RANBP17: variants seen among roughly 807,000 people sequenced by gnomAD.
RANBP17 encodes the protein RAN binding protein 17.
In RANBP17, 158 loss-of-function variants were observed where a neutral mutation model predicts 141.2. The observed-to-expected ratio is 1.12, with a 90% CI of 0.98 to 1.28. The LOEUF is 1.28. Among genes scored for constraint, RANBP17 ranks in the 50% most tolerant of loss-of-function variants. The pLI is 0.00. For synonymous variants in RANBP17, 430 were observed against 450.0 expected (o/e 0.96, Z 0.56); for missense variants, 1,438 against 1,290.7 (o/e 1.11, Z -1.75).
chr5:171,036,151 C>G (rs1781869697), intron 14 of RANBP17, among the ~76,000 whole-genome samples: 1 of 152,210 alleles, frequency 6.6e-6, no homozygotes, highest in Non-Finnish European at 1.5e-5. Flanking sequence ...GTCCAGCCAC[C>G]TTGGCCTCCC....
At chr5:170,943,220 G>T (rs1259858957) in intron 12 of RANBP17, among the ~76,000 whole-genome samples, 1 of 152,130 alleles carries the variant, frequency 6.6e-6, no homozygotes, top group East Asian at 1.9e-4. Context: ...GAACACTTCA[G>T]TTAGTGTTGA....
chr5:171,107,422 A>C (rs1188383093), intron 14 of RANBP17, among the ~76,000 whole-genome samples: 1 of 152,174 alleles, frequency 6.6e-6, no homozygotes, highest in East Asian at 1.9e-4. Context: ...TGCAAGCAAC[A>C]AAGTTTGTTA....
At chr5:170,957,237 T>G (rs1775793257) in intron 13 of RANBP17, among the ~76,000 whole-genome samples, 1 of 152,042 alleles carries the variant, frequency 6.6e-6, no homozygotes, top group Admixed American at 6.5e-5. Context: ...GAACTAAGAT[T>G]TGTGTTTTGG....
At chr5:170,998,317 A>G (rs532601273) in intron 14 of RANBP17, among the ~76,000 whole-genome samples, 6 of 152,266 alleles carry the variant, frequency 3.9e-5, no homozygotes, top group Admixed American at 2.0e-4. Flanking sequence ...GCCATTTCAA[A>G]TCATTAGGAA....
chr5:171,260,462 CAA>C (rs531075409), intron 24 of RANBP17, among the ~76,000 whole-genome samples: 5 of 51,408 alleles, frequency 9.7e-5, no homozygotes, highest in Admixed American at 2.2e-4. Context: ...GACTCCGTCT[CAA>C]AAAAAAAAAA....
intron 25 of RANBP17, among the ~76,000 whole-genome samples, chr5:171,267,689 C>T (rs1445651916): frequency 2.0e-5 from 3 of 152,008 alleles, no homozygotes; most frequent in Non-Finnish European, 4.4e-5. Flanking sequence ...TGCCTGTATT[C>T]CCAGCTATGT....
intron 12 of RANBP17, among the ~76,000 whole-genome samples, chr5:170,950,097 C>G (rs986283293): frequency 1.3e-5 from 2 of 152,014 alleles, no homozygotes; most frequent in East Asian, 1.9e-4. Context: ...AAAATGAAAT[C>G]TAGATGGATT....
At chr5:171,049,872 C>G (rs1782842864) in intron 14 of RANBP17, among the ~76,000 whole-genome samples, 1 of 152,206 alleles carries the variant, frequency 6.6e-6, no homozygotes, top group East Asian at 1.9e-4. Flanking sequence ...GTTACTGTAG[C>G]CTTGTATTAT....
chr5:171,163,218 G>T (rs76453215), intron 14 of RANBP17, among the ~76,000 whole-genome samples: 1 of 152,098 alleles, frequency 6.6e-6, no homozygotes, highest in Non-Finnish European at 1.5e-5. Flanking sequence ...TATTTGAAAC[G>T]ATATGGAAAA....
intron 18 of RANBP17, among the ~76,000 whole-genome samples, chr5:171,194,428 A>G (rs546621720): frequency 3.8e-4 from 58 of 152,106 alleles, no homozygotes; most frequent in African/African-American, 1.4e-3. Flanking sequence ...GGATTTGTCT[A>G]TTCTGGACAT....
rs1165041348 is a variant in RANBP17, at chr5:171,059,143, A to G, written c.1710+90766A>G. On this transcript the variant is annotated intron_variant, in intron 14 of 27. Transcript: ENST00000523189. ...GTTCACTCTGATGGTAGTTTCTTTC[A>G]CTGTGCAGAAGCTCTTTAGTTTAAT... Among the ~76,000 whole-genome samples, 157 of 151,716 alleles carry G rather than the reference A, an allele frequency of 1.0e-3. No homozygotes were observed. In the East Asian group the frequency reaches 0.022, roughly 21 times the overall value.
chr5:171,133,028 G>A (rs1020166671), intron 14 of RANBP17, among the ~76,000 whole-genome samples: 1 of 151,986 alleles, frequency 6.6e-6, no homozygotes, highest in Non-Finnish European at 1.5e-5. Context: ...TGGGACTACA[G>A]GGGCCCGCCA....
chr5:171,286,629 G>C (rs1396205068), intron 25 of RANBP17, among the ~76,000 whole-genome samples: 2 of 152,040 alleles, frequency 1.3e-5, no homozygotes, highest in Non-Finnish European at 2.9e-5. Flanking sequence ...ATATCACATA[G>C]GCGAATAGCA....
At chr5:170,896,256 C>T in intron 5 of RANBP17, 141 bp downstream of exon 5, 1 of 588,142 alleles carries the variant, frequency 1.7e-6, no homozygotes, top group Non-Finnish European at 3.0e-6. Context: ...GTGTGTGTAT[C>T]TGTTTTATTG....
rs187151324 is a variant in RANBP17 at position 171,248,240 on chromosome 5, G to A, written c.2776+5420G>A. On this transcript the variant is annotated intron_variant, in intron 24 of 27. Transcript: ENST00000523189. The stretch of plus-strand genomic sequence containing the variant: ...AAATTAGCTGGGCGTGGTGGCGGGC[G>A]CCTGTAGTCTCAGCTACTCGGGAGA... Among the ~76,000 whole-genome samples, 1,154 of 152,014 alleles carry A rather than the reference G, an allele frequency of 7.6e-3. 6 individuals are homozygous for A. Among genetic ancestry groups the A allele is most frequent in the Non-Finnish European group, 0.012 (832 of 67,976 alleles).
intron 14 of RANBP17, among the ~76,000 whole-genome samples, chr5:171,082,905 G>A (rs1398320061): frequency 6.7e-6 from 1 of 148,928 alleles, no homozygotes; most frequent in African/African-American, 2.4e-5. Context: ...AAAAGGAACA[G>A]CTGAATTTAT....
intron 1 of RANBP17, among the ~76,000 whole-genome samples, chr5:170,862,604 G>T (rs576699730): frequency 5.3e-5 from 8 of 152,310 alleles, no homozygotes; most frequent in South Asian, 2.1e-4. Flanking sequence ...GGCTGCGTCT[G>T]GGGGGAGTTG....
At chr5:171,256,432 T>C (rs570196742) in intron 24 of RANBP17, among the ~76,000 whole-genome samples, 307 of 152,296 alleles carry the variant, frequency 2.0e-3, no homozygotes, top group Non-Finnish European at 2.8e-3. Context: ...GAAGGAAGTT[T>C]ATAGCAATAA....
chr5:171,178,020 GT>G (rs200845643), intron 16 of RANBP17, among the ~76,000 whole-genome samples: 13,414 of 141,562 alleles, frequency 0.095, 751 homozygotes, highest in African/African-American at 0.17. Flanking sequence ...TTTTTATGTG[GT>G]TTTTTTTTTT....
Sources: gnomAD v4.1 joint callset for allele counts (sites outside exome capture counted in the v4.1 genomes callset) on GRCh38, gnomAD v4.1.1 for gene constraint, MANE v1.5 for transcripts, NCBI Gene and HGNC (gene_info 2026-07-23, HGNC 2026-07-21) for gene names.